SHOC1: variants seen among roughly 807,000 people sequenced by gnomAD.
SHOC1 encodes the protein protein shortage in chiasmata 1 ortholog.
Under a neutral mutation model 179.2 loss-of-function variants are expected in SHOC1, and 136 were observed. That is an observed-to-expected ratio of 0.76 (90% CI 0.66 to 0.87). The LOEUF (loss-of-function observed/expected upper bound fraction) is 0.87. Among genes scored for constraint, SHOC1 ranks in the 40% least tolerant of loss-of-function variants. SHOC1 has a pLI of 0.00. For missense variants in SHOC1, 1,538 were observed against 1,700.8 expected, an observed-to-expected ratio of 0.90 and a Z score of 1.68; for synonymous variants, 489 against 586.6, an observed-to-expected ratio of 0.83 and a Z score of 2.41.
intron 27 of SHOC1, among the ~76,000 whole-genome samples, chr9:111,690,619 A>G (rs920010426): frequency 6.6e-6 from 1 of 152,204 alleles, no homozygotes; most frequent in Non-Finnish European, 1.5e-5. Flanking sequence ...ATTTTTCCCA[A>G]TATGTACTAA....
chr9:111,723,589 G>A (rs1229322137), intron 14 of SHOC1, among the ~76,000 whole-genome samples: 5 of 152,130 alleles, frequency 3.3e-5, no homozygotes, highest in South Asian at 2.1e-4. Context: ...ACACTGAGTC[G>A]CTTGGGTAGG....
chr9:111,777,095 G>GC (rs939804462), intron 4 of SHOC1, among the ~76,000 whole-genome samples: 3 of 152,112 alleles, frequency 2.0e-5, no homozygotes, highest in African/African-American at 7.2e-5. Context: ...GGGGTCTTCT[G>GC]CTCCTGGGTG....
intron 3 of SHOC1, among the ~76,000 whole-genome samples, chr9:111,782,653 T>C (rs419720): frequency 0.62 from 93,723 of 151,882 alleles, 29,429 homozygotes; most frequent in East Asian, 0.9. Context: ...CCACCCAACA[T>C]TGACAGATGA....
intron 2 of SHOC1, among the ~76,000 whole-genome samples, chr9:111,788,090 G>T (rs1477419495): frequency 8.6e-6 from 1 of 115,880 alleles, no homozygotes; most frequent in Non-Finnish European, 1.7e-5. Context: ...TTTTGAGACA[G>T]AGTCTCGCTC....
At chr9:111,769,975 G>GTTTTTTTTTTTTTTTTT in intron 5 of SHOC1, among the ~76,000 whole-genome samples, 4 of 87,806 alleles carry the variant, frequency 4.6e-5, no homozygotes, top group African/African-American at 5.3e-5. Context: ...TTTATCTTCT[G>GTTTTTTTTTTTTTTTTT]TTTTTTTTTT....
At chr9:111,726,785 A>G (rs1355057152) in intron 13 of SHOC1, among the ~76,000 whole-genome samples, 1 of 152,190 alleles carries the variant, frequency 6.6e-6, no homozygotes, top group African/African-American at 2.4e-5. Flanking sequence ...TTCTAAACAG[A>G]TCAAAAATGA....
intron 20 of SHOC1, 76 bp downstream of exon 20, chr9:111,706,492 T>C (rs1242044377): frequency 1.8e-5 from 20 of 1,116,066 alleles, no homozygotes; most frequent in Non-Finnish European, 2.3e-5. Context: ...CTTATTTTTA[T>C]CTATAAATCA....
At chr9:111,780,870 G>T in intron 4 of SHOC1, 60 bp downstream of exon 4, 1 of 1,163,702 alleles carries the variant, frequency 8.6e-7, no homozygotes, top group South Asian at 1.3e-5. Context: ...GGTATCTGGA[G>T]AACTTACTGT....
At chr9:111,750,887 C>T (rs1010824206) in intron 8 of SHOC1, among the ~76,000 whole-genome samples, 2 of 152,122 alleles carry the variant, frequency 1.3e-5, no homozygotes, top group African/African-American at 2.4e-5. Flanking sequence ...ATTGCAATTG[C>T]TTTTGGCGTT....
chr9:111,720,958 T>G (rs1833015591), intron 15 of SHOC1, among the ~76,000 whole-genome samples: 1 of 152,234 alleles, frequency 6.6e-6, no homozygotes, highest in Non-Finnish European at 1.5e-5. Flanking sequence ...CTTTGTATAC[T>G]TCATGATCTT....
At chr9:111,689,887 T>C (rs965861325) in intron 27 of SHOC1, among the ~76,000 whole-genome samples, 5 of 152,196 alleles carry the variant, frequency 3.3e-5, no homozygotes, top group Admixed American at 3.3e-4. Context: ...AAATGACTTC[T>C]GGGTCTTCTC....
chr9:111,702,431 T>G lies in SHOC1; in HGVS notation c.2968-205A>C, dbSNP rs1169914858. 3.9e-5 allele frequency among the ~76,000 whole-genome samples: 6 copies of G among 152,276 alleles called. No individual in the cohort carries two copies. In the East Asian group the frequency reaches 1.2e-3, roughly 29 times the overall value. The stretch of plus-strand genomic sequence containing the variant: ...AGACATAAAACACCTAATGACAGCT[T>G]CAGCAAGGAAGGCTCCTGAATCTCC... On this transcript the variant is annotated intron_variant, in intron 22 of 27. Transcript: ENST00000682961.
intron 27 of SHOC1, 50 bp from the exon 28 acceptor site, chr9:111,686,920 G>A (rs1831193931): frequency 3.2e-6 from 3 of 939,948 alleles, no homozygotes; most frequent in African/African-American, 3.4e-5. Context: ...CAATAGTAAA[G>A]TATAGGTTTT....
chr9:111,768,899 T>C (rs1340407116), intron 5 of SHOC1, among the ~76,000 whole-genome samples: 1 of 152,184 alleles, frequency 6.6e-6, no homozygotes, highest in Non-Finnish European at 1.5e-5. Context: ...CTATCATATA[T>C]GGCCTTTATT....
At chr9:111,772,262 T>A (rs1159494975) in intron 5 of SHOC1, among the ~76,000 whole-genome samples, 4 of 152,210 alleles carry the variant, frequency 2.6e-5, no homozygotes, top group Non-Finnish European at 5.9e-5. Context: ...TAAAGTTAAC[T>A]TTAAAAATTT....
At chr9:111,754,971 G>A (rs1024083563) in intron 8 of SHOC1, among the ~76,000 whole-genome samples, 2 of 152,184 alleles carry the variant, frequency 1.3e-5, no homozygotes, top group Admixed American at 6.5e-5. Context: ...CCCTGTAGCA[G>A]GCAACTTTAT....
Position 111,703,907 on chromosome 9 carries a change from CAATT to C in SHOC1, c.2937_2940del (p.Ile980MetfsTer6). ...TGCAAAATTATGGCAGTGTGTTCATCAATTGTCACCACTACATAACACTCTGAAC... is the reference window on the plus strand; with the variant it reads ...TGCAAAATTATGGCAGTGTGTTCATCGTCACCACTACATAACACTCTGAAC... On this transcript the variant is annotated frameshift_variant, in exon 22 of 28. Coordinates refer to ENST00000682961, the MANE Select transcript of SHOC1 (RefSeq NM_001378211.1). LOFTEE classifies it high-confidence loss of function. 1.2e-6 allele frequency: 2 copies of C among 1,604,358 alleles called. No individual in the cohort carries two copies. The highest frequency in any genetic ancestry group is 1.7e-6 in the Non-Finnish European group (2 of 1,174,062).
intron 15 of SHOC1, among the ~76,000 whole-genome samples, chr9:111,720,489 T>C (rs1212045865): frequency 6.6e-6 from 1 of 152,206 alleles, no homozygotes; most frequent in East Asian, 1.9e-4. Flanking sequence ...TGTGGGTTTG[T>C]AGTTTTCATT....
At chr9:111,686,933 C>CT in intron 27 of SHOC1, 63 bp from the exon 28 acceptor site, 3 of 684,036 alleles carry the variant, frequency 4.4e-6, no homozygotes, top group Admixed American at 4.4e-5. Context: ...TAGGTTTTTT[C>CT]TTTTCCTTTT....
Sources: allele counts gnomAD v4.1 joint callset (sites outside exome capture counted in the v4.1 genomes callset), GRCh38; gene constraint gnomAD v4.1.1; transcripts MANE v1.5; gene names NCBI Gene and HGNC (gene_info 2026-07-23, HGNC 2026-07-21).